Variants in NRDE2 observed in about 807,000 individuals in gnomAD.
NRDE2 encodes nuclear exosome regulator NRDE2.
Under a neutral mutation model 124.2 loss-of-function variants are expected in NRDE2, and 76 were observed. The ratio of observed to expected loss-of-function variants is 0.61; its 90% CI spans 0.51 to 0.74. The LOEUF (loss-of-function observed/expected upper bound fraction) is 0.74. NRDE2 is among the 30% of genes least tolerant of loss of function. The pLI is 0.00. For missense variants in NRDE2, 1,314 were observed against 1,417.3 expected (o/e 0.93, Z 1.17); for synonymous variants, 489 against 528.1 (o/e 0.93, Z 1.01).
Position 90,304,177 on chromosome 14 carries a change from G to T in NRDE2, c.763C>A (p.Pro255Thr), listed in dbSNP as rs1018487633. ...PPSSEPISFI[P>T]VKDLEDAAPV... ...GCCGCATCTTCCAAGTCCTTCACTG[G>T]TATAAAGGAGATGGGCTCAGATGAG... Residue 255 changes from proline to threonine, a missense_variant, in exon 5 of 14, where the codon CCA (proline) becomes ACA (threonine). Pro to Thr is a conservative substitution (Grantham distance 38). Coordinates refer to ENST00000354366, the MANE Select transcript of NRDE2 (RefSeq NM_017970.4). 2.5e-6 allele frequency: 4 copies of T among 1,614,142 alleles called. No homozygotes were observed. Among genetic ancestry groups the T allele is most frequent in the Non-Finnish European group, 3.4e-6 (4 of 1,180,012 alleles).
rs1873534911 is a variant in NRDE2, at chr14:90,274,787, TA to T, written c.*3548del. 9.0e-6 allele frequency: 1 copy of T among 110,908 alleles called. No individual in the cohort carries two copies. Among genetic ancestry groups the T allele is most frequent in the African/African-American group, 3.2e-5 (1 of 31,734 alleles). The allele number at this position is 110,908 out of a possible 1,614,324, so 6.9% of individuals were successfully genotyped here. Reference sequence around the variant, plus strand: ...CAGTATAGCCCTTTAAATAGGGAACTACACACACACACACACACACACACAC... The same window carrying T: ...CAGTATAGCCCTTTAAATAGGGAACTCACACACACACACACACACACACAC... On this transcript the variant is annotated 3_prime_UTR_variant, in exon 14 of 14. Transcript: ENST00000354366.
chr14:90,271,298 C>CAAAAGA lies in NRDE2; in HGVS notation c.*7032_*7037dup, dbSNP rs1432535832. On this transcript the variant is annotated 3_prime_UTR_variant, in exon 14 of 14. Transcript: ENST00000354366. ...TGTTTTTGCCACAGTAATTACTGGC[C>CAAAAGA]AAAAGAAAAAGAAAACAATAACAGT... is the stretch of plus-strand genomic sequence containing the variant. The CAAAAGA allele has an allele frequency of 6.6e-6, 1 of 152,018 alleles. No individual in the cohort carries two copies. The highest frequency in any genetic ancestry group is 1.5e-5 in the Non-Finnish European group (1 of 67,998). 9.4% of individuals were successfully genotyped at this position (152,018 alleles called of 1,614,324 possible).
intron 10 of NRDE2, among the ~76,000 whole-genome samples, chr14:90,289,794 G>A (rs1892219044): frequency 6.6e-6 from 1 of 152,182 alleles, no homozygotes; most frequent in Non-Finnish European, 1.5e-5. Flanking sequence ...TGCCATGTTG[G>A]CCAGGTTGGT....
intron 4 of NRDE2, among the ~76,000 whole-genome samples, chr14:90,308,564 C>T (rs1444162727): frequency 6.6e-6 from 1 of 152,068 alleles, no homozygotes; most frequent in African/African-American, 2.4e-5. Context: ...TGATCATATC[C>T]CTGCTTAAGG....
intron 12 of NRDE2, among the ~76,000 whole-genome samples, chr14:90,283,343 A>G (rs1054736845): frequency 6.6e-6 from 1 of 152,242 alleles, no homozygotes; most frequent in Non-Finnish European, 1.5e-5. Context: ...AACTAGGCTC[A>G]TGGAAGATTC....
intron 9 of NRDE2, among the ~76,000 whole-genome samples, chr14:90,292,466 G>A (rs111404715): frequency 8.5e-5 from 13 of 152,292 alleles, no homozygotes; most frequent in African/African-American, 3.1e-4. Flanking sequence ...GAAGCTCTCT[G>A]GTCAAGCACC....
intron 2 of NRDE2, chr14:90,317,768 G>A (rs2139707548): frequency 5.3e-6 from 2 of 377,498 alleles, no homozygotes; most frequent in Middle Eastern, 1.4e-3. Flanking sequence ...TCACAATGAT[G>A]CCATTTCCCT....
intron 8 of NRDE2, among the ~76,000 whole-genome samples, chr14:90,293,460 GGCT>G (rs1300866807): frequency 6.7e-6 from 1 of 148,324 alleles, no homozygotes; most frequent in Non-Finnish European, 1.5e-5. Context: ...ATGTTGGTCA[GGCT>G]GGTTTCGAAC....
chr14:90,278,606 T>A, intron 13 of NRDE2, 145 bp from the exon 14 acceptor site: 1 of 963,750 alleles, frequency 1.0e-6, no homozygotes, highest in Non-Finnish European at 1.5e-6. Context: ...GAGACTTTCT[T>A]AACTCGGGCA....
In NRDE2 at chr14:90,270,113, G is replaced by A; in HGVS notation, c.*8223C>T. 1 of 1,420,812 alleles carries A rather than the reference G, an allele frequency of 7.0e-7. No homozygotes were observed. The highest frequency in any genetic ancestry group is 1.4e-5 in the South Asian group (1 of 70,610). 88.0% of individuals were successfully genotyped at this position (1,420,812 alleles called of 1,614,324 possible). On this transcript the variant is annotated 3_prime_UTR_variant, in exon 14 of 14. Transcript: ENST00000354366. ...ATTCTGTCCGACTGAAACTTCGTAT[G>A]TAAGGAGATGGGCTGAGGCCTCTGA...
At chr14:90,316,954 A>C in intron 2 of NRDE2, 143 bp from the exon 3 acceptor site, 1 of 626,160 alleles carries the variant, frequency 1.6e-6, no homozygotes, top group Non-Finnish European at 2.7e-6. Flanking sequence ...TTACACAGTA[A>C]CTTACTGGAT....
At chr14:90,329,371 T>C (rs544292411) in intron 1 of NRDE2, among the ~76,000 whole-genome samples, 3 of 152,308 alleles carry the variant, frequency 2.0e-5, no homozygotes, top group East Asian at 3.9e-4. Flanking sequence ...CCCATTTTAT[T>C]TGTCCAAATC....
In NRDE2 at chr14:90,272,148, C is replaced by T; in HGVS notation, c.*6188G>A. On this transcript the variant is annotated 3_prime_UTR_variant, in exon 14 of 14. Coordinates refer to ENST00000354366, the MANE Select transcript of NRDE2 (RefSeq NM_017970.4). This position sits in a 1 kb window ranked among gnomAD's most constrained non-coding sequence, Gnocchi z 4.5. ...ACCTTAGGCGATCCACCTGCCTCGG[C>T]CTCCCAGAGTGCTGGGATTACAGGT... 1 of 1,028,898 alleles carries T rather than the reference C, an allele frequency of 9.7e-7. No homozygotes were observed. Among genetic ancestry groups the T allele is most frequent in the Non-Finnish European group, 1.4e-6 (1 of 713,038 alleles). The allele number at this position is 1,028,898 out of a possible 1,614,324, so 63.7% of individuals were successfully genotyped here. A position where few individuals can be genotyped will look rare whatever the true frequency, so the allele number is the denominator to read the frequency against.
At chr14:90,318,451 CA>C (rs1885128463) in intron 1 of NRDE2, among the ~76,000 whole-genome samples, 1 of 152,128 alleles carries the variant, frequency 6.6e-6, no homozygotes, top group Non-Finnish European at 1.5e-5. Flanking sequence ...TGAATGCTTC[CA>C]AAGCATTAGG....
At chr14:90,320,099 T>C (rs1885188567) in intron 1 of NRDE2, among the ~76,000 whole-genome samples, 1 of 152,348 alleles carries the variant, frequency 6.6e-6, no homozygotes, top group South Asian at 2.1e-4. Flanking sequence ...ATGTGTTTAT[T>C]AGCCATTCAC....
chr14:90,331,857 G>C lies in NRDE2; in HGVS notation c.48C>G (p.Gly16=). Reference sequence around the variant, plus strand: ...TGTGCTTACCTTTCCTGGAGCTCCCGCCATCGGGAGCCTCACTAAGCCCCG... The same window carrying C: ...TGTGCTTACCTTTCCTGGAGCTCCCCCCATCGGGAGCCTCACTAAGCCCCG... ...AFAGLSEAPD[G]GSSRKELDWL... is the part of the protein sequence containing the mutation. The change falls in exon 1 of 14, where the codon GGC becomes GGG. Residue 16 remains glycine, a synonymous_variant. Coordinates refer to ENST00000354366, the MANE Select transcript of NRDE2 (RefSeq NM_017970.4). 6.2e-7 allele frequency: 1 copy of C among 1,614,052 alleles called. No individual in the cohort carries two copies. The highest frequency in any genetic ancestry group is 2.2e-5 in the East Asian group (1 of 44,880).
chr14:90,331,723 G>C (rs1405475325), intron 1 of NRDE2, 118 bp downstream of exon 1: 2 of 1,165,550 alleles, frequency 1.7e-6, no homozygotes, highest in Non-Finnish European at 2.5e-6. Flanking sequence ...TTGCAGCGCC[G>C]CGGAGAACTC....
At chr14:90,286,566 GTGA>G (rs1158437433) in intron 11 of NRDE2, 74 bp from the exon 12 acceptor site, 7 of 1,520,754 alleles carry the variant, frequency 4.6e-6, no homozygotes, top group Non-Finnish European at 6.2e-6. Context: ...AGATGCCTGA[GTGA>G]TGATAAGTGT....
At chr14:90,311,449 T>C (rs1482794985) in intron 4 of NRDE2, among the ~76,000 whole-genome samples, 4 of 152,164 alleles carry the variant, frequency 2.6e-5, no homozygotes, top group African/African-American at 9.7e-5. Flanking sequence ...TGTGCTGTTC[T>C]CGTGACAGTG....
Sources: gnomAD v4.1 joint callset for allele counts (sites outside exome capture counted in the v4.1 genomes callset) on GRCh38, gnomAD v4.1.1 for gene constraint, Gnocchi (gnomAD v3.1) non-coding constraint, MANE v1.5 for transcripts, NCBI Gene and HGNC (gene_info 2026-07-23, HGNC 2026-07-21) for gene names.